Variants in DNAJC6 observed in about 807,000 individuals in gnomAD.
The protein encoded by DNAJC6 is DnaJ heat shock protein family (Hsp40) member C6, also known as auxilin.
DNAJC6 carries 34 observed loss-of-function variants against 110.0 expected under a neutral mutation model. That is an observed-to-expected ratio of 0.31 (90% CI 0.24 to 0.41). The LOEUF is 0.41. Ranked by LOEUF, DNAJC6 falls within the 10% of genes least tolerant of loss-of-function variation. The pLI is 1.00. For synonymous variants in DNAJC6, 406 were observed against 437.2 expected (o/e 0.93, Z 0.89); for missense variants, 1,031 against 1,207.8 (o/e 0.85, Z 2.17).
At chr1:65,377,953 C>A (rs1007613251) in intron 4 of DNAJC6, among the ~76,000 whole-genome samples, 5 of 152,162 alleles carry the variant, frequency 3.3e-5, no homozygotes, top group African/African-American at 1.2e-4. Flanking sequence ...TTCTATCCAG[C>A]CATTCAAGCT....
At chr1:65,300,494 CA>C (rs1194927004) in intron 1 of DNAJC6, among the ~76,000 whole-genome samples, 67 of 152,236 alleles carry the variant, frequency 4.4e-4, no homozygotes, top group African/African-American at 1.4e-3. Context: ...TTGCATGTGG[CA>C]GGTCCAAGAC....
chr1:65,353,127 G>A (rs1164592790), intron 1 of DNAJC6, among the ~76,000 whole-genome samples: 3 of 152,128 alleles, frequency 2.0e-5, no homozygotes, highest in African/African-American at 4.8e-5. Flanking sequence ...AGAGGGAAAT[G>A]TCATAGTCCA....
At chr1:65,282,230 C>T (rs1653876429) in intron 1 of DNAJC6, among the ~76,000 whole-genome samples, 1 of 152,068 alleles carries the variant, frequency 6.6e-6, no homozygotes, top group East Asian at 1.9e-4. Flanking sequence ...GGCACCATTC[C>T]TTTTTTACAG....
At chr1:65,397,811 T>A (rs1645993696) in intron 13 of DNAJC6, among the ~76,000 whole-genome samples, 1 of 152,196 alleles carries the variant, frequency 6.6e-6, no homozygotes, top group Admixed American at 6.5e-5. Flanking sequence ...CATATCCTTT[T>A]TAACTTAATG....
intron 1 of DNAJC6, among the ~76,000 whole-genome samples, chr1:65,300,370 C>A (rs975594090): frequency 6.6e-6 from 1 of 152,136 alleles, no homozygotes; most frequent in East Asian, 1.9e-4. Context: ...GAAGGACATA[C>A]CACCTACCCT....
At position 65,372,609 on chromosome 1, in the gene DNAJC6, C is replaced by T. The variant is rs1463971654; in HGVS notation, c.543+6413C>T. Reference sequence around the variant, plus strand: ...ATTCTGACAACAATCTTGTAATGCTCATTTATACTTTACACACTAGATAAT... The same window carrying T: ...ATTCTGACAACAATCTTGTAATGCTTATTTATACTTTACACACTAGATAAT... On this transcript the variant is annotated intron_variant, in intron 4 of 18. Coordinates refer to ENST00000371069, the MANE Select transcript of DNAJC6 (RefSeq NM_001256864.2). 3.3e-5 allele frequency among the ~76,000 whole-genome samples: 5 copies of T among 152,022 alleles called. No homozygotes were observed. In the East Asian group the frequency reaches 9.6e-4, roughly 29 times the overall value.
At chr1:65,292,088 C>T (rs942776078) in intron 1 of DNAJC6, among the ~76,000 whole-genome samples, 10 of 152,256 alleles carry the variant, frequency 6.6e-5, no homozygotes, top group Admixed American at 1.3e-4. Flanking sequence ...GCGATCTCAA[C>T]GCACTACAAC....
intron 1 of DNAJC6, among the ~76,000 whole-genome samples, chr1:65,330,073 T>C (rs185523518): frequency 4.6e-5 from 7 of 152,346 alleles, no homozygotes; most frequent in Admixed American, 1.3e-4. Flanking sequence ...CTTGAGTTAC[T>C]TGAAACCTAA....
At chr1:65,289,198 A>AT (rs897470020) in intron 1 of DNAJC6, among the ~76,000 whole-genome samples, 20 of 148,884 alleles carry the variant, frequency 1.3e-4, no homozygotes, top group Admixed American at 3.3e-4. Context: ...AGTCATTTAA[A>AT]TTTTTTTTTT....
chr1:65,294,913 A>C (rs1644915131), intron 1 of DNAJC6, among the ~76,000 whole-genome samples: 1 of 152,178 alleles, frequency 6.6e-6, no homozygotes, highest in Admixed American at 6.5e-5. Context: ...GTTTAGTTGA[A>C]TATGTAAGGA....
intron 1 of DNAJC6, among the ~76,000 whole-genome samples, chr1:65,355,952 C>T (rs1390979697): frequency 2.5e-5 from 3 of 122,378 alleles, no homozygotes; most frequent in African/African-American, 9.4e-5. Context: ...TTTTTTGTGG[C>T]TTTATCTTCT....
Position 65,414,273 on chromosome 1 carries a change from T to A in DNAJC6, c.*1248T>A, listed in dbSNP as rs1204593239. The A allele has an allele frequency of 6.6e-6, 1 of 152,466 alleles. No homozygotes were observed. Among genetic ancestry groups the A allele is most frequent in the South Asian group, 2.1e-4 (1 of 4,832 alleles). The allele number at this position is 152,466 out of a possible 1,614,324, so 9.4% of individuals were successfully genotyped here. On this transcript the variant is annotated 3_prime_UTR_variant, in exon 19 of 19. Coordinates refer to ENST00000371069, the MANE Select transcript of DNAJC6 (RefSeq NM_001256864.2). ...CTTTCCCGATCTCAGACTGGCTGGA[T>A]TCAGATCAGTGTGTTGGCTGGTTCT...
intron 18 of DNAJC6, 28 bp from the exon 19 acceptor site, chr1:65,412,896 C>T (rs772354855): frequency 2.5e-6 from 4 of 1,594,920 alleles, no homozygotes; most frequent in Non-Finnish European, 3.4e-6. Context: ...TCTGTGGTAT[C>T]TAATGTGTGT....
intron 1 of DNAJC6, among the ~76,000 whole-genome samples, chr1:65,342,661 C>T (rs1645399870): frequency 6.6e-6 from 1 of 152,186 alleles, no homozygotes; most frequent in South Asian, 2.1e-4. Flanking sequence ...TACCTGGCAA[C>T]ATAATTGTGA....
At chr1:65,400,345 C>T (rs1479134320) in intron 14 of DNAJC6, among the ~76,000 whole-genome samples, 2 of 152,134 alleles carry the variant, frequency 1.3e-5, no homozygotes, top group Non-Finnish European at 2.9e-5. Flanking sequence ...ATTTAACATC[C>T]ATTCTCTTTG....
chr1:65,411,185 CT>C lies in DNAJC6; in HGVS notation c.2635-64del, dbSNP rs199600802. ...TGGAGCAGAAGGGGTTTCTAGAGTC[CT>C]AGTGGAAACCTTCTGAACTAGTAAG... On this transcript the variant is annotated intron_variant, in intron 17 of 18. Coordinates refer to ENST00000371069, the MANE Select transcript of DNAJC6 (RefSeq NM_001256864.2). 1.6e-3 allele frequency: 2,451 copies of C among 1,521,508 alleles called. 35 individuals carry two copies. In the African/African-American group the frequency reaches 0.03, roughly 19 times the overall value. The allele number at this position is 1,521,508 out of a possible 1,614,324, so 94.3% of individuals were successfully genotyped here.
intron 8 of DNAJC6, among the ~76,000 whole-genome samples, chr1:65,387,918 A>G (rs1385208326): frequency 6.6e-6 from 1 of 152,212 alleles, no homozygotes; most frequent in Non-Finnish European, 1.5e-5. Context: ...AATATGCATG[A>G]TACCATATTA....
intron 1 of DNAJC6, among the ~76,000 whole-genome samples, chr1:65,296,069 ACTT>A (rs1405466984): frequency 6.6e-6 from 1 of 152,134 alleles, no homozygotes; most frequent in Non-Finnish European, 1.5e-5. Flanking sequence ...TCTTTTGAAA[ACTT>A]CTTATTTTTC....
At chr1:65,395,115 G>C in intron 13 of DNAJC6, 83 bp downstream of exon 13, 2 of 1,362,774 alleles carry the variant, frequency 1.5e-6, no homozygotes, top group Non-Finnish European at 1.9e-6. Flanking sequence ...AAAGCACCCT[G>C]TGGGTGCTTT....
Sources: allele counts gnomAD v4.1 joint callset (sites outside exome capture counted in the v4.1 genomes callset), GRCh38; gene constraint gnomAD v4.1.1; transcripts MANE v1.5; gene names NCBI Gene and HGNC (gene_info 2026-07-23, HGNC 2026-07-21).